The following CDH13 variants were observed in gnomAD, a reference collection of about 807,000 sequenced individuals.
CDH13 encodes cadherin 13.
A neutral mutation model predicts 63.8 loss-of-function variants in CDH13; 24 were observed. The observed-to-expected ratio is 0.38, with a 90% CI of 0.27 to 0.53. CDH13 has a LOEUF of 0.53. CDH13 is among the 20% of genes least tolerant of loss of function. The pLI, the probability that CDH13 is intolerant of heterozygous loss-of-function variation, is 0.85. For missense variants in CDH13, 1,049 were observed against 903.1 expected, an observed-to-expected ratio of 1.16 and a Z score of -2.07; for synonymous variants, 503 against 355.3, an observed-to-expected ratio of 1.42 and a Z score of -4.67.
intron 6 of CDH13, among the ~76,000 whole-genome samples, chr16:83,404,798 C>T (rs940179021): frequency 6.6e-6 from 1 of 152,182 alleles, no homozygotes; most frequent in East Asian, 1.9e-4. Flanking sequence ...GCTTTCTGTG[C>T]AGCCAGTTTT....
chr16:83,678,665 A>T (rs1373648001), intron 10 of CDH13, among the ~76,000 whole-genome samples: 1 of 152,050 alleles, frequency 6.6e-6, no homozygotes, highest in Admixed American at 6.5e-5. Context: ...TGCTGCTCCC[A>T]CCTGATTCCA....
intron 10 of CDH13, among the ~76,000 whole-genome samples, chr16:83,732,469 A>T (rs1465145122): frequency 1.3e-5 from 2 of 152,194 alleles, no homozygotes; most frequent in African/African-American, 2.4e-5. Context: ...AAGGTTTTGA[A>T]GCCTGAAAGG....
intron 11 of CDH13, among the ~76,000 whole-genome samples, chr16:83,771,865 G>C (rs147817519): frequency 1.3e-5 from 2 of 152,276 alleles, no homozygotes; most frequent in African/African-American, 4.8e-5. Flanking sequence ...GTATTAGGAG[G>C]TAAAATTAAA....
At chr16:83,224,210 A>G (rs973163842) in intron 5 of CDH13, among the ~76,000 whole-genome samples, 2 of 152,348 alleles carry the variant, frequency 1.3e-5, no homozygotes, top group Admixed American at 6.5e-5. Context: ...CCATATATAT[A>G]TGTATGTATA....
intron 2 of CDH13, among the ~76,000 whole-genome samples, chr16:82,900,397 A>G (rs1317103199): frequency 6.7e-6 from 1 of 150,374 alleles, no homozygotes; most frequent in African/African-American, 2.5e-5. Context: ...TGATAAGGCC[A>G]CAAGCCAAGT....
chr16:82,784,158 T>C (rs552838974), intron 1 of CDH13, among the ~76,000 whole-genome samples: 2 of 152,316 alleles, frequency 1.3e-5, no homozygotes, highest in Admixed American at 6.5e-5. Flanking sequence ...CTTATCCTGC[T>C]TACCCAACAG....
At chr16:83,526,366 A>T (rs2074959231) in intron 7 of CDH13, among the ~76,000 whole-genome samples, 1 of 152,152 alleles carries the variant, frequency 6.6e-6, no homozygotes, top group Admixed American at 6.5e-5. Flanking sequence ...CATGGAAGAC[A>T]ATTTTTCCAG....
rs538303654 is a variant in CDH13 at position 83,112,320 on chromosome 16, C to G, written c.367-13065C>G. Among the ~76,000 whole-genome samples, 29 of 152,280 alleles carry G rather than the reference C, an allele frequency of 1.9e-4. No homozygotes were observed. The South Asian group carries it at 5.8e-3, about 30-fold the overall frequency. On this transcript the variant is annotated intron_variant, in intron 3 of 13. Transcript: ENST00000567109. ...GCACTGTGTGAAGACATTCAGAGAT[C>G]CAGGCTCCATCTATCCTAAAGCAAG...
At chr16:83,117,174 C>G (rs1040197266) in intron 3 of CDH13, among the ~76,000 whole-genome samples, 3 of 152,232 alleles carry the variant, frequency 2.0e-5, no homozygotes, top group African/African-American at 7.2e-5. Flanking sequence ...CCTTCCAGGG[C>G]TCACTCCTCA....
intron 1 of CDH13, among the ~76,000 whole-genome samples, chr16:82,843,905 C>T (rs997981056): frequency 2.6e-5 from 4 of 152,220 alleles, no homozygotes; most frequent in Non-Finnish European, 5.9e-5. Flanking sequence ...TTCGTTTAGG[C>T]TTTCCTGATT....
chr16:83,033,809 C>G (rs1051884741), intron 3 of CDH13, among the ~76,000 whole-genome samples: 1 of 152,204 alleles, frequency 6.6e-6, no homozygotes. Flanking sequence ...AGACACACAG[C>G]AGGATTCCAG....
chr16:83,653,504 GA>G (rs559409186), intron 8 of CDH13, among the ~76,000 whole-genome samples: 24 of 150,282 alleles, frequency 1.6e-4, no homozygotes, highest in Admixed American at 1.3e-3. Context: ...TCTTTCTAGG[GA>G]AAAAAAACTC....
chr16:83,318,991 A>G (rs2090164417), intron 5 of CDH13, among the ~76,000 whole-genome samples: 1 of 151,144 alleles, frequency 6.6e-6, no homozygotes, highest in South Asian at 2.1e-4. Context: ...TTCATTAAGA[A>G]ATCTATGAAA....
intron 1 of CDH13, among the ~76,000 whole-genome samples, chr16:82,670,523 C>A (rs972474056): frequency 2.6e-5 from 4 of 152,094 alleles, no homozygotes; most frequent in African/African-American, 9.7e-5. Context: ...CATGCACTAC[C>A]CAGGTTTGCT....
intron 1 of CDH13, among the ~76,000 whole-genome samples, chr16:82,684,716 C>G (rs1419290976): frequency 6.6e-6 from 1 of 151,918 alleles, no homozygotes. Flanking sequence ...TGATTGAGTG[C>G]TTTGGCATAA....
intron 6 of CDH13, among the ~76,000 whole-genome samples, chr16:83,419,927 T>TTAA (rs200096985): frequency 1.4e-5 from 2 of 147,948 alleles, no homozygotes; most frequent in South Asian, 2.2e-4. Context: ...TTTTTTTTTT[T>TTAA]AAAAAAAAGT....
At chr16:83,404,095 A>C (rs1243091556) in intron 6 of CDH13, among the ~76,000 whole-genome samples, 1 of 152,222 alleles carries the variant, frequency 6.6e-6, no homozygotes, top group Non-Finnish European at 1.5e-5. Flanking sequence ...ATGTTCATAC[A>C]AGGAGTCAGG....
intron 2 of CDH13, among the ~76,000 whole-genome samples, chr16:82,974,749 C>T (rs1445878010): frequency 6.6e-6 from 1 of 152,016 alleles, no homozygotes; most frequent in African/African-American, 2.4e-5. Flanking sequence ...AGGAAGGGGC[C>T]AGGAGTCAAG....
At chr16:83,350,275 C>T (rs991632272) in intron 6 of CDH13, among the ~76,000 whole-genome samples, 12 of 152,174 alleles carry the variant, frequency 7.9e-5, no homozygotes, top group African/African-American at 2.7e-4. Context: ...GAATGGCAGC[C>T]CCCCACCCTG....
Sources: gnomAD v4.1 joint callset for allele counts (sites outside exome capture counted in the v4.1 genomes callset) on GRCh38, gnomAD v4.1.1 for gene constraint, MANE v1.5 for transcripts, NCBI Gene and HGNC (gene_info 2026-07-23, HGNC 2026-07-21) for gene names.